Variants in NEB observed in about 807,000 individuals in gnomAD.
NEB encodes the protein nemaline myopathy type 2.
A neutral mutation model predicts 952.2 loss-of-function variants in NEB; 512 were observed. That is an observed-to-expected ratio of 0.54 (90% CI 0.50 to 0.58). NEB has a LOEUF of 0.58. NEB is among the 20% of genes least tolerant of loss of function. NEB has a pLI of 0.00. For missense variants in NEB, 8,428 were observed against 9,231.1 expected (o/e 0.91, Z 3.56); for synonymous variants, 2,900 against 3,149.8 (o/e 0.92, Z 2.66).
intron 178 of NEB, 22 bp downstream of exon 178, chr2:151,492,076 C>T: frequency 6.2e-7 from 1 of 1,611,906 alleles, no homozygotes; most frequent in South Asian, 1.1e-5. Flanking sequence ...TTAATCCCCT[C>T]CCCCAACCCA....
chr2:151,729,169 C>T lies in NEB; in HGVS notation c.78+446G>A, dbSNP rs117987498. ...TAGCATTTCAATGCATCATCAGGGA[C>T]GAAGCCCTGGAGACACCATCCCTGG... On this transcript the variant is annotated intron_variant, in intron 4 of 181. Coordinates refer to ENST00000397345, the MANE Select transcript of NEB (RefSeq NM_001164508.2). Among the ~76,000 whole-genome samples the T allele has an allele frequency of 3.8e-3, 583 of 152,158 alleles. 9 individuals carry two copies. The East Asian group carries it at 0.057, about 15-fold the overall frequency.
At position 151,541,558 on chromosome 2, in the gene NEB, AT is replaced by A. The variant is rs1304911332; in HGVS notation, c.20578-8del. On this transcript the variant is annotated splice_polypyrimidine_tract_variant and splice_region_variant and intron_variant, in intron 135 of 181. Transcript: ENST00000397345. ...CTGCAGCTCTGTAGACCAGCTAGAC[AT>A]AAACCAAGTTATCACCATCATTTCT... The A allele has an allele frequency of 1.2e-6, 2 of 1,607,588 alleles. No individual in the cohort carries two copies. The highest frequency in any genetic ancestry group is 1.7e-6 in the Non-Finnish European group (2 of 1,174,494).
chr2:151,519,835 A>G, intron 153 of NEB, 67 bp from the exon 154 acceptor site: 1 of 1,039,028 alleles, frequency 9.6e-7, no homozygotes, highest in Non-Finnish European at 1.5e-6. Context: ...GGGGAATAGT[A>G]GAAACACAAA....
chr2:151,548,979 A>G (rs2095047573), intron 130 of NEB, among the ~76,000 whole-genome samples: 1 of 152,156 alleles, frequency 6.6e-6, no homozygotes, highest in Admixed American at 6.5e-5. Flanking sequence ...TGCAGGCCAG[A>G]CTTACTGGGA....
intron 34 of NEB, 55 bp downstream of exon 34, chr2:151,677,510 C>T: frequency 7.4e-7 from 1 of 1,358,052 alleles, no homozygotes; most frequent in Non-Finnish European, 9.9e-7. Context: ...CTGCTGTTTA[C>T]TTTTCTAAAA....
rs1234360046 is a variant in NEB at position 151,537,876 on chromosome 2, C to T, written c.21098G>A (p.Ser7033Asn). 3 of 1,599,558 alleles carry T rather than the reference C, an allele frequency of 1.9e-6. No homozygotes were observed. Among genetic ancestry groups the T allele is most frequent in the Non-Finnish European group, 2.6e-6 (3 of 1,173,124 alleles). The change falls in exon 140 of 182, where the codon AGT becomes AAT. Residue 7033 changes from serine (S) to asparagine (N), a missense_variant. By Grantham distance (46) the Ser-to-Asn change is conservative. This residue lies in a region of NEB where 3,374 missense variants were observed against 3,651.5 expected (regional missense o/e 0.92). Transcript: ENST00000397345. ...ATAGAAGATGTCAACACTCACATCACTGACTGTGTCAGTGACTGCTCGGTG... is the reference window on the plus strand; with the variant it reads ...ATAGAAGATGTCAACACTCACATCATTGACTGTGTCAGTGACTGCTCGGTG... ...FHHRAVTDTV[S>N]DVKYKEDLTW...
intron 51 of NEB, 38 bp downstream of exon 51, chr2:151,655,232 C>A: frequency 8.6e-7 from 1 of 1,162,418 alleles, no homozygotes; most frequent in Non-Finnish European, 1.2e-6. Flanking sequence ...TCATAAGTTT[C>A]AATACAAAAC....
intron 178 of NEB, 98 bp from the exon 179 acceptor site, chr2:151,491,873 C>T: frequency 9.4e-7 from 1 of 1,068,730 alleles, no homozygotes; most frequent in Non-Finnish European, 1.4e-6. Context: ...AGGATTGAAT[C>T]ACACTTATTC....
chr2:151,541,500 G>A lies in NEB; in HGVS notation c.20629C>T (p.Pro6877Ser), dbSNP rs1356686750. ...GCTCTTAAAAGATCAGGAGTATCAG[G>A]AACTGAAGTAAAGATTGACTTCTGC... ...KKQKSIFTSV[P>S]DTPDLLRAKR... The change falls in exon 136 of 182, where the codon CCT becomes TCT. Residue 6877 changes from proline to serine, a missense_variant. Around this residue, in one of 11 missense-constraint regions of NEB, gnomAD observed 3,374 missense variants for 3,651.5 expected, o/e 0.92. Transcript: ENST00000397345. 19 of 1,613,448 alleles carry A rather than the reference G, an allele frequency of 1.2e-5. No individual in the cohort carries two copies. The highest frequency in any genetic ancestry group is 1.6e-5 in the Non-Finnish European group (19 of 1,179,624).
At chr2:151,706,337 ATCTC>A (rs559330245) in intron 13 of NEB, among the ~76,000 whole-genome samples, 1 of 150,090 alleles carries the variant, frequency 6.7e-6, no homozygotes, top group South Asian at 2.1e-4. Flanking sequence ...CACATATTCA[ATCTC>A]TCTCTCTCTC....
At chr2:151,614,656 T>C (rs2098131666) in intron 76 of NEB, 69 bp from the exon 77 acceptor site, 3 of 1,462,134 alleles carry the variant, frequency 2.1e-6, no homozygotes, top group South Asian at 2.6e-5. Flanking sequence ...AGGTTCACAT[T>C]CACATTGTTT....
At chr2:151,665,251 G>T in intron 42 of NEB, 82 bp downstream of exon 42, 1 of 1,293,798 alleles carries the variant, frequency 7.7e-7, no homozygotes, top group East Asian at 2.4e-5. Context: ...AAACACTGTA[G>T]GAGACGATTG....
At chr2:151,612,096 T>G (rs774581819) in intron 78 of NEB, 90 bp downstream of exon 78, 389 of 1,397,822 alleles carry the variant, frequency 2.8e-4, no homozygotes, top group Non-Finnish European at 3.5e-4. Flanking sequence ...GACACCTCCT[T>G]TCTCAGGGAA....
chr2:151,513,049 T>G (rs927896379), intron 160 of NEB, among the ~76,000 whole-genome samples: 4 of 152,136 alleles, frequency 2.6e-5, no homozygotes. Flanking sequence ...GAGAGAAGAT[T>G]TAGTTGGATG....
rs1213012646 is a variant in NEB at position 151,694,557 on chromosome 2, G to A, written c.1747C>T (p.Leu583=). The A allele has an allele frequency of 5.0e-6, 8 of 1,612,086 alleles. No individual in the cohort carries two copies. Among genetic ancestry groups the A allele is most frequent in the East Asian group, 2.2e-5 (1 of 44,844 alleles). The part of the protein sequence containing the change: ...FDIKVDAIPL[L]AAKANTKNTS... ...TTCTTGGTGTTGGCTTTGGCTGCCA[G>A]CAGGGGAATGGCATCCACTTTAATG... The change falls in exon 19 of 182, where the codon CTG becomes TTG. Residue 583 remains leucine, a synonymous_variant. Coordinates refer to ENST00000397345, the MANE Select transcript of NEB (RefSeq NM_001164508.2).
chr2:151,731,336 CTTTCT>C lies in NEB; in HGVS notation c.37-1685_37-1681del, dbSNP rs564383442. Among the ~76,000 whole-genome samples, 21 of 152,314 alleles carry C rather than the reference CTTTCT, an allele frequency of 1.4e-4. No homozygotes were observed. The South Asian group carries it at 1.9e-3, about 14-fold the overall frequency. On this transcript the variant is annotated intron_variant, in intron 3 of 181. Transcript: ENST00000397345. Reference sequence around the variant, plus strand: ...AGATAGTGCATCCTTGCTTCTCTCTCTTTCTTTTCAAGTTTAAGTTAGAGTAGAGA... The same window carrying C: ...AGATAGTGCATCCTTGCTTCTCTCTCTTTCAAGTTTAAGTTAGAGTAGAGA...
chr2:151,633,329 A>G (rs1338605978), intron 65 of NEB, among the ~76,000 whole-genome samples: 4 of 152,136 alleles, frequency 2.6e-5, no homozygotes, highest in Admixed American at 2.0e-4. Context: ...AGCCAAAAAC[A>G]AATTCCACAG....
intron 176 of NEB, chr2:151,493,085 G>A (rs2057830061): frequency 2.6e-6 from 1 of 377,416 alleles, no homozygotes; most frequent in Non-Finnish European, 4.8e-6. Context: ...TCAAAGTATA[G>A]GGGAAGGAAA....
rs769718481 is a variant in NEB, at chr2:151,727,661, C to A, written c.294+30G>T. The stretch of plus-strand genomic sequence containing the variant: ...GATAAGTAATTTCTTAATAATCAAG[C>A]CAGGTTAGCAGAAGTTGTTTGAAAC... On this transcript the variant is annotated intron_variant, in intron 5 of 181. Transcript: ENST00000397345. The A allele has an allele frequency of 1.9e-6, 3 of 1,585,536 alleles. No homozygotes were observed. The African/African-American group carries it at 4.0e-5, about 21-fold the overall frequency.
Sources: allele counts gnomAD v4.1 joint callset (sites outside exome capture counted in the v4.1 genomes callset), GRCh38; gene constraint gnomAD v4.1.1; regional missense constraint gnomAD v4.1.1; transcripts MANE v1.5; gene names NCBI Gene and HGNC (gene_info 2026-07-23, HGNC 2026-07-21).